The following RBFOX1 variants were observed in gnomAD, a reference collection of about 807,000 sequenced individuals.
The protein encoded by RBFOX1 is RNA binding fox-1 homolog 1.
A neutral mutation model predicts 57.7 loss-of-function variants in RBFOX1; 8 were observed. That is an observed-to-expected ratio of 0.14 (90% CI 0.08 to 0.25). The LOEUF is 0.25. Among genes scored for constraint, RBFOX1 ranks in the 10% least tolerant of loss-of-function variants. RBFOX1 has a pLI of 1.00. For missense variants in RBFOX1, 611 were observed against 548.5 expected (o/e 1.11, Z -1.14); for synonymous variants, 326 against 222.4 (o/e 1.47, Z -4.15).
At chr16:5,533,879 T>G (rs1400694495) in intron 2 of RBFOX1, among the ~76,000 whole-genome samples, 1 of 151,846 alleles carries the variant, frequency 6.6e-6, no homozygotes, top group Non-Finnish European at 1.5e-5. Context: ...TGGGCAGGGG[T>G]GTTGGTCAGA....
At chr16:5,393,661 AAGG>A (rs139558178) in intron 1 of RBFOX1, among the ~76,000 whole-genome samples, 44 of 152,304 alleles carry the variant, frequency 2.9e-4, no homozygotes, top group African/African-American at 8.4e-4. Context: ...TTTTCAAAAA[AAGG>A]AGGTGTTCTG....
At chr16:6,807,944 G>C (rs1438870154) in intron 3 of RBFOX1, among the ~76,000 whole-genome samples, 1 of 147,928 alleles carries the variant, frequency 6.8e-6, no homozygotes, top group Admixed American at 6.8e-5. Context: ...ATATGCATAT[G>C]TAATATATGC....
At chr16:6,246,475 C>A (rs1198257107) in intron 1 of RBFOX1, among the ~76,000 whole-genome samples, 1 of 152,092 alleles carries the variant, frequency 6.6e-6, no homozygotes, top group East Asian at 1.9e-4. Context: ...GGGAAGGACT[C>A]CAGTTGGCTT....
intron 2 of RBFOX1, among the ~76,000 whole-genome samples, chr16:5,494,250 C>G (rs560470469): frequency 2.0e-5 from 3 of 152,234 alleles, no homozygotes; most frequent in Non-Finnish European, 4.4e-5. Context: ...AAACCTTGTT[C>G]CCAAAGTCTA....
intron 2 of RBFOX1, among the ~76,000 whole-genome samples, chr16:6,450,775 A>ATATATATACATATATATATG (rs2094578636): frequency 2.8e-5 from 1 of 35,196 alleles, no homozygotes; most frequent in African/African-American, 1.5e-4. Flanking sequence ...GTGTATATAT[A>ATATATATACATATATATATG]TATATATATA....
intron 3 of RBFOX1, among the ~76,000 whole-genome samples, chr16:7,024,299 G>C (rs1032619953): frequency 2.0e-5 from 3 of 152,122 alleles, no homozygotes; most frequent in Non-Finnish European, 2.9e-5. Context: ...TGGAGAGCCT[G>C]GTTCTGTGAC....
intron 3 of RBFOX1, among the ~76,000 whole-genome samples, chr16:6,756,479 C>A (rs939821114): frequency 6.6e-6 from 1 of 152,054 alleles, no homozygotes; most frequent in Non-Finnish European, 1.5e-5. Flanking sequence ...CTATATTAGA[C>A]TAAACAGCTT....
intron 2 of RBFOX1, among the ~76,000 whole-genome samples, chr16:6,455,753 A>T (rs1320341244): frequency 1.3e-5 from 2 of 152,152 alleles, no homozygotes; most frequent in Non-Finnish European, 1.5e-5. Context: ...TAATGACCGT[A>T]TTTGCTTTTA....
rs56069214 is a variant in RBFOX1 at position 6,116,655 on chromosome 16, G to A, written c.-127+96663G>A. Among the ~76,000 whole-genome samples, 333 of 152,256 alleles carry A rather than the reference G, an allele frequency of 2.2e-3. 7 individuals are homozygous for A. The highest frequency in any genetic ancestry group is 7.1e-3 in the African/African-American group (297 of 41,556). ...CTTGTATAAATGCTAGAGTGCCCAG[G>A]GTTTCCTGTTATGTGCGACAGCATC... On this transcript the variant is annotated intron_variant, in intron 1 of 15. Transcript: ENST00000550418.
intron 2 of RBFOX1, among the ~76,000 whole-genome samples, chr16:6,625,426 A>T (rs1237816181): frequency 6.6e-6 from 1 of 152,186 alleles, no homozygotes; most frequent in Non-Finnish European, 1.5e-5. Flanking sequence ...GTCAAGTAAA[A>T]ATCGTCTTGT....
intron 4 of RBFOX1, among the ~76,000 whole-genome samples, chr16:5,945,935 G>A (rs554957309): frequency 3.9e-5 from 6 of 152,184 alleles, no homozygotes; most frequent in Non-Finnish European, 8.8e-5. Flanking sequence ...AGAGGGATTG[G>A]TGTGCTTCAC....
chr16:6,618,628 G>A (rs1404991801), intron 2 of RBFOX1, among the ~76,000 whole-genome samples: 6 of 152,176 alleles, frequency 3.9e-5, no homozygotes, highest in Non-Finnish European at 1.5e-5. Flanking sequence ...CTTCTCCAAG[G>A]TTACGTGGCT....
intron 1 of RBFOX1, among the ~76,000 whole-genome samples, chr16:6,120,604 T>A (rs562415533): frequency 7.2e-5 from 11 of 152,316 alleles, no homozygotes; most frequent in Non-Finnish European, 1.5e-4. Context: ...GAGGATTATA[T>A]AAAGAAATCA....
At chr16:7,620,724 A>G (rs1349241304) in intron 10 of RBFOX1, among the ~76,000 whole-genome samples, 1 of 152,212 alleles carries the variant, frequency 6.6e-6, no homozygotes, top group East Asian at 1.9e-4. Context: ...TGTTTTTATC[A>G]ACTCAGGACC....
At chr16:7,526,634 G>A (rs900137042) in intron 5 of RBFOX1, among the ~76,000 whole-genome samples, 4 of 152,296 alleles carry the variant, frequency 2.6e-5, no homozygotes, top group South Asian at 2.1e-4. Flanking sequence ...GAAGGTTGCC[G>A]TCTAAAAATA....
At chr16:7,175,231 G>A (rs1184466699) in intron 4 of RBFOX1, among the ~76,000 whole-genome samples, 2 of 151,802 alleles carry the variant, frequency 1.3e-5, no homozygotes, top group Non-Finnish European at 2.9e-5. Context: ...CCCAGTGTGT[G>A]TTGTTCCTCT....
chr16:6,027,155 G>T (rs1278950476), intron 1 of RBFOX1, among the ~76,000 whole-genome samples: 2 of 152,162 alleles, frequency 1.3e-5, no homozygotes, highest in Admixed American at 1.3e-4. Context: ...TGTCTTCTTT[G>T]TACCATGGTT....
chr16:6,897,629 T>G (rs541127448), intron 3 of RBFOX1, among the ~76,000 whole-genome samples: 2 of 151,770 alleles, frequency 1.3e-5, no homozygotes, highest in African/African-American at 4.8e-5. Flanking sequence ...CCATCTCTAT[T>G]AAAACAAAAA....
At chr16:6,796,475 T>C (rs545126121) in intron 3 of RBFOX1, among the ~76,000 whole-genome samples, 2 of 152,306 alleles carry the variant, frequency 1.3e-5, no homozygotes, top group African/African-American at 2.4e-5. Flanking sequence ...TCTTCCACTA[T>C]ATCATTTTCC....
Sources: gnomAD v4.1 joint callset for allele counts (sites outside exome capture counted in the v4.1 genomes callset) on GRCh38, gnomAD v4.1.1 for gene constraint, MANE v1.5 for transcripts, NCBI Gene and HGNC (gene_info 2026-07-23, HGNC 2026-07-21) for gene names.